TANC2: variants seen among roughly 807,000 people sequenced by gnomAD.
The protein encoded by TANC2 is protein TANC2.
TANC2 carries 26 observed loss-of-function variants against 210.5 expected under a neutral mutation model. That is an observed-to-expected ratio of 0.12 (90% CI 0.09 to 0.17). TANC2 has a LOEUF of 0.17. TANC2 is among the 10% of genes least tolerant of loss of function. The pLI, the probability that TANC2 is intolerant of heterozygous loss-of-function variation, is 1.00. For missense variants in TANC2, 2,129 were observed against 2,608.9 expected, an observed-to-expected ratio of 0.82 and a Z score of 4.01; for synonymous variants, 931 against 967.1, an observed-to-expected ratio of 0.96 and a Z score of 0.69.
chr17:63,079,997 G>C (rs981861373), intron 3 of TANC2, among the ~76,000 whole-genome samples: 2 of 152,122 alleles, frequency 1.3e-5, no homozygotes, highest in African/African-American at 2.4e-5. Context: ...GACTGCCGCA[G>C]GTTAGGTGGT....
intron 2 of TANC2, among the ~76,000 whole-genome samples, chr17:63,030,487 T>C (rs896749050): frequency 6.6e-6 from 1 of 152,086 alleles, no homozygotes; most frequent in African/African-American, 2.4e-5. Flanking sequence ...AACTTTTACA[T>C]CCACACACAG....
intron 4 of TANC2, among the ~76,000 whole-genome samples, chr17:63,104,016 C>G (rs1221297394): frequency 6.6e-6 from 1 of 150,858 alleles, no homozygotes; most frequent in African/African-American, 2.4e-5. Flanking sequence ...CTCATTTTAC[C>G]AAGAAGAAAA....
intron 11 of TANC2, among the ~76,000 whole-genome samples, chr17:63,323,948 A>G (rs1383217569): frequency 2.0e-5 from 3 of 152,208 alleles, no homozygotes; most frequent in Admixed American, 6.5e-5. Flanking sequence ...GAGGCAGGCA[A>G]AGTCTATACT....
Position 63,319,096 on chromosome 17 carries a change from A to G in TANC2, c.1575+6A>G. On this transcript the variant is annotated splice_donor_region_variant and intron_variant, in intron 11 of 27. Transcript: ENST00000689528. ...TGCGAAGACTAGCCTCGCAGGTACA[A>G]TATGATTCCCACGTTGGGGATATGG... 1.2e-6 allele frequency: 2 copies of G among 1,609,998 alleles called. No homozygotes were observed. The highest frequency in any genetic ancestry group is 1.1e-5 in the South Asian group (1 of 90,370).
intron 17 of TANC2, among the ~76,000 whole-genome samples, chr17:63,392,301 A>G (rs2048006428): frequency 6.6e-6 from 1 of 152,196 alleles, no homozygotes; most frequent in Non-Finnish European, 1.5e-5. Context: ...GCATGTTCAT[A>G]TCCCTGACTA....
chr17:63,386,251 T>A (rs1039397468), intron 15 of TANC2, among the ~76,000 whole-genome samples: 1 of 152,234 alleles, frequency 6.6e-6, no homozygotes, highest in African/African-American at 2.4e-5. Context: ...ATGGACCTTA[T>A]GTGAATCCCA....
intron 21 of TANC2, among the ~76,000 whole-genome samples, chr17:63,407,502 A>C (rs2048550614): frequency 6.6e-6 from 1 of 152,238 alleles, no homozygotes; most frequent in Non-Finnish European, 1.5e-5. Context: ...CTCCGTAGCC[A>C]TAGATTCCAG....
At chr17:63,306,011 A>G (rs535696885) in intron 9 of TANC2, among the ~76,000 whole-genome samples, 108 of 152,330 alleles carry the variant, frequency 7.1e-4, no homozygotes, top group Non-Finnish European at 5.0e-4. Flanking sequence ...GATTTGATAC[A>G]GCAGAAAACT....
chr17:63,204,091 A>G (rs1278107162), intron 7 of TANC2, among the ~76,000 whole-genome samples: 1 of 145,236 alleles, frequency 6.9e-6, no homozygotes, highest in African/African-American at 2.5e-5. Context: ...CGGTGTGTGG[A>G]TTCATTCATT....
chr17:63,358,332 G>A (rs1341508605), intron 14 of TANC2, among the ~76,000 whole-genome samples: 1 of 151,190 alleles, frequency 6.6e-6, no homozygotes, highest in Admixed American at 6.6e-5. Context: ...AGAAATAAAT[G>A]AGTAACAAGG....
At chr17:63,176,910 A>T (rs1009044376) in intron 5 of TANC2, among the ~76,000 whole-genome samples, 1 of 151,992 alleles carries the variant, frequency 6.6e-6, no homozygotes, top group African/African-American at 2.4e-5. Flanking sequence ...CCAGAGAGTA[A>T]TGAAAATGTT....
chr17:63,419,099 T>C (rs1211982403), intron 27 of TANC2, among the ~76,000 whole-genome samples: 1 of 152,216 alleles, frequency 6.6e-6, no homozygotes, highest in Non-Finnish European at 1.5e-5. Flanking sequence ...CTGTCTCTTA[T>C]GCCTCCTGCC....
At chr17:63,249,055 C>T (rs973713806) in intron 8 of TANC2, among the ~76,000 whole-genome samples, 3 of 152,044 alleles carry the variant, frequency 2.0e-5, no homozygotes, top group Non-Finnish European at 2.9e-5. Context: ...TAGTGAAGTT[C>T]ATAGTTAAAA....
intron 6 of TANC2, among the ~76,000 whole-genome samples, chr17:63,199,565 G>A (rs1473143534): frequency 1.3e-5 from 2 of 151,020 alleles, no homozygotes; most frequent in Non-Finnish European, 2.9e-5. Context: ...GTTGCAGTGA[G>A]TTGAGATTGT....
intron 21 of TANC2, among the ~76,000 whole-genome samples, chr17:63,409,055 CA>C (rs2048605983): frequency 1.3e-5 from 2 of 152,132 alleles, no homozygotes; most frequent in South Asian, 4.1e-4. Flanking sequence ...TGAAGGGAAA[CA>C]GATCCAGAAT....
chr17:63,056,248 A>G (rs1298749269), intron 2 of TANC2, among the ~76,000 whole-genome samples: 1 of 148,234 alleles, frequency 6.7e-6, no homozygotes, highest in African/African-American at 2.5e-5. Flanking sequence ...AAAAATCTGT[A>G]TTTACTTCTA....
At position 63,253,498 on chromosome 17, in the gene TANC2, C is replaced by T. The variant is rs117063923; in HGVS notation, c.1034-14250C>T. 3.5e-4 allele frequency among the ~76,000 whole-genome samples: 53 copies of T among 152,274 alleles called. 1 individual carries two copies. The East Asian group carries it at 9.7e-3, about 28-fold the overall frequency. On this transcript the variant is annotated intron_variant, in intron 8 of 27. Coordinates refer to ENST00000689528, the Ensembl canonical transcript of TANC2. Reference sequence around the variant, plus strand: ...GGCTGCCTGCCCTTTTAGGGTATTACCGAAGAAACCTTTGCCCAGACCAGG... The same window carrying T: ...GGCTGCCTGCCCTTTTAGGGTATTATCGAAGAAACCTTTGCCCAGACCAGG...
Position 63,135,444 on chromosome 17 carries a change from G to A in TANC2, c.323-15826G>A, listed in dbSNP as rs142147068. Among the ~76,000 whole-genome samples, 3 of 152,230 alleles carry A rather than the reference G, an allele frequency of 2.0e-5. No individual in the cohort carries two copies. In the East Asian group the frequency reaches 5.8e-4, roughly 29 times the overall value. On this transcript the variant is annotated intron_variant, in intron 4 of 27. Coordinates refer to ENST00000689528, the Ensembl canonical transcript of TANC2. ...GATGCAACTCATAAAATGTTGATCA[G>A]TGAATTTCCTTCCACTTTTAGGTTC...
At chr17:63,161,541 T>C (rs1458212674) in intron 5 of TANC2, among the ~76,000 whole-genome samples, 1 of 152,174 alleles carries the variant, frequency 6.6e-6, no homozygotes. Flanking sequence ...AAAGCACTTA[T>C]TCTGTGACTC....
Sources: allele counts gnomAD v4.1 joint callset (sites outside exome capture counted in the v4.1 genomes callset), GRCh38; gene constraint gnomAD v4.1.1; transcripts MANE v1.5; gene names NCBI Gene and HGNC (gene_info 2026-07-23, HGNC 2026-07-21).